The following FBXO42 variants were observed in gnomAD, a reference collection of about 807,000 sequenced individuals.
FBXO42 encodes the protein F-box only protein 42.
FBXO42 carries 12 observed loss-of-function variants against 71.7 expected under a neutral mutation model. The observed-to-expected ratio is 0.17, with a 90% CI of 0.11 to 0.27. The LOEUF (loss-of-function observed/expected upper bound fraction) is 0.27. Among genes scored for constraint, FBXO42 ranks in the 10% least tolerant of loss-of-function variants. The probability of loss-of-function intolerance (pLI) is 1.00; values close to 1 mark genes in which losing one functional copy is unlikely to be tolerated. For synonymous variants in FBXO42, 325 were observed against 327.5 expected, an observed-to-expected ratio of 0.99 and a Z score of 0.08; for missense variants, 707 against 911.9, an observed-to-expected ratio of 0.78 and a Z score of 2.89.
chr1:16,313,328 G>GAGA (rs2082333539), intron 2 of FBXO42, among the ~76,000 whole-genome samples: 772 of 17,248 alleles, frequency 0.045, 9 homozygotes, highest in African/African-American at 0.062. Flanking sequence ...AGAAAACAAA[G>GAGA]AAAGAAAGAA....
chr1:16,291,912 T>G (rs150050442), intron 4 of FBXO42, among the ~76,000 whole-genome samples: 1 of 152,282 alleles, frequency 6.6e-6, no homozygotes, highest in Non-Finnish European at 1.5e-5. Context: ...CCTCAAGAGA[T>G]CCTCCTGTCT....
At chr1:16,340,057 G>C (rs1011313555) in intron 1 of FBXO42, among the ~76,000 whole-genome samples, 3 of 152,006 alleles carry the variant, frequency 2.0e-5, no homozygotes, top group Non-Finnish European at 4.4e-5. Context: ...GGCGCCTATA[G>C]TCCCAGCTCT....
chr1:16,282,976 G>A (rs1292332491), intron 4 of FBXO42, among the ~76,000 whole-genome samples: 2 of 142,682 alleles, frequency 1.4e-5, no homozygotes, highest in South Asian at 4.3e-4. Flanking sequence ...GTGAGACTCC[G>A]TCTCAAAAAA....
chr1:16,292,484 T>TG (rs2082089331), intron 4 of FBXO42: 1 of 152,074 alleles, frequency 6.6e-6, no homozygotes, highest in African/African-American at 2.4e-5. Context: ...TTTGTAGAGA[T>TG]GGGGGTCTCA....
intron 3 of FBXO42, among the ~76,000 whole-genome samples, chr1:16,299,246 C>T (rs996450103): frequency 3.5e-4 from 52 of 150,548 alleles, no homozygotes; most frequent in Admixed American, 1.4e-3. Flanking sequence ...CTCCTGACCT[C>T]GTGATCCGCC....
At chr1:16,330,610 C>T (rs1480953524) in intron 1 of FBXO42, among the ~76,000 whole-genome samples, 1 of 152,042 alleles carries the variant, frequency 6.6e-6, no homozygotes, top group Non-Finnish European at 1.5e-5. Flanking sequence ...AGATTGAGAC[C>T]ATCCTGGCCA....
At position 16,248,468 on chromosome 1, in the gene FBXO42, C is replaced by T. The variant is rs190288455; in HGVS notation, c.*2202G>A. ...TTGGGGGAAGTGGAAGGAATCAACA[C>T]GTTAACAGCTGGCTTAGGAAGGCCA... On this transcript the variant is annotated 3_prime_UTR_variant, in exon 10 of 10. Coordinates refer to ENST00000375592, the MANE Select transcript of FBXO42 (RefSeq NM_018994.3). The T allele has an allele frequency of 2.0e-4, 31 of 152,258 alleles. No individual in the cohort carries two copies. The highest frequency in any genetic ancestry group is 7.2e-4 in the African/African-American group (30 of 41,544). The allele number at this position is 152,258 out of a possible 1,614,324, so 9.4% of individuals were successfully genotyped here.
chr1:16,252,504 A>G lies in FBXO42; in HGVS notation c.922-100T>C. On this transcript the variant is annotated intron_variant, in intron 8 of 9. Coordinates refer to ENST00000375592, the MANE Select transcript of FBXO42 (RefSeq NM_018994.3). This position sits in a 1 kb window ranked among gnomAD's most constrained non-coding sequence, Gnocchi z 4.4. ...CTCAAAGCTCTCCTGTCTGGTCTTG[A>G]AAGGATGTGGACTCTTCAGAAGGAT... 1.1e-6 allele frequency: 1 copy of G among 942,542 alleles called. No individual in the cohort carries two copies. The highest frequency in any genetic ancestry group is 2.4e-5 in the East Asian group (1 of 41,264). The allele number at this position is 942,542 out of a possible 1,614,324, so 58.4% of individuals were successfully genotyped here.
chr1:16,305,209 AC>A (rs1308458676), intron 3 of FBXO42, among the ~76,000 whole-genome samples: 4 of 151,166 alleles, frequency 2.6e-5, no homozygotes, highest in Non-Finnish European at 5.9e-5. Context: ...ATACAGTGAG[AC>A]CCCATCTCTA....
intron 1 of FBXO42, among the ~76,000 whole-genome samples, chr1:16,339,152 C>T (rs1308133431): frequency 6.6e-6 from 1 of 151,720 alleles, no homozygotes; most frequent in Non-Finnish European, 1.5e-5. Flanking sequence ...CAAAGGAATG[C>T]CTTCCTGCTT....
At chr1:16,287,622 T>C (rs2082035637) in intron 4 of FBXO42, among the ~76,000 whole-genome samples, 3 of 152,196 alleles carry the variant, frequency 2.0e-5, no homozygotes, top group Admixed American at 2.0e-4. Context: ...AGATGGGCTC[T>C]TGCTATGTTG....
At chr1:16,268,197 T>C (rs2081799471) in intron 4 of FBXO42, among the ~76,000 whole-genome samples, 1 of 152,140 alleles carries the variant, frequency 6.6e-6, no homozygotes, top group Admixed American at 6.6e-5. Flanking sequence ...GTCATAAAGT[T>C]TCTAGCCTGG....
Position 16,250,967 on chromosome 1 carries a change from G to A in FBXO42, c.1857C>T (p.Arg619=), listed in dbSNP as rs200714545. 3 of 1,614,200 alleles carry A rather than the reference G, an allele frequency of 1.9e-6. No homozygotes were observed. Among genetic ancestry groups the A allele is most frequent in the Non-Finnish European group, 2.5e-6 (3 of 1,180,032 alleles). The change falls in exon 10 of 10, where the codon CGC becomes CGT. Residue 619 remains arginine (R), a synonymous_variant. Coordinates refer to ENST00000375592, the MANE Select transcript of FBXO42 (RefSeq NM_018994.3). The surrounding 1 kb of genome is among the most constrained non-coding windows in gnomAD (Gnocchi z 4.7). ...ACTGTGGAGGGTGGTGGCCCAGGCG[G>A]CGAGCAATGGGAGGTAAGGAATGTC... The part of the protein sequence containing the change: ...GDGHSLPPIA[R]RLGHHPPQSL...
intron 1 of FBXO42, among the ~76,000 whole-genome samples, chr1:16,332,341 G>A (rs548906133): frequency 2.6e-5 from 4 of 152,064 alleles, no homozygotes; most frequent in East Asian, 3.9e-4. Context: ...TATTACCATT[G>A]CTATAGTTGA....
At chr1:16,294,984 CAT>C (rs1159029437) in intron 3 of FBXO42, 67 bp from the exon 4 acceptor site, 17 of 1,487,704 alleles carry the variant, frequency 1.1e-5, no homozygotes, top group South Asian at 2.7e-5. Flanking sequence ...TTAACCATAA[CAT>C]ATATTTTTCA....
At chr1:16,327,544 T>C (rs1032706714) in intron 1 of FBXO42, among the ~76,000 whole-genome samples, 2 of 152,102 alleles carry the variant, frequency 1.3e-5, no homozygotes, top group African/African-American at 2.4e-5. Context: ...GATAAATAGA[T>C]TCAGAGTTAA....
chr1:16,288,801 T>C (rs1044338771), intron 4 of FBXO42, among the ~76,000 whole-genome samples: 1 of 151,342 alleles, frequency 6.6e-6, no homozygotes, highest in African/African-American at 2.4e-5. Context: ...CTACTAAATA[T>C]ACAAAAATTA....
chr1:16,348,465 A>C (rs1191242364), intron 1 of FBXO42, among the ~76,000 whole-genome samples: 1 of 152,000 alleles, frequency 6.6e-6, no homozygotes, highest in African/African-American at 2.4e-5. Context: ...TTGGGAGGCA[A>C]AGGTGGGCGG....
intron 1 of FBXO42, among the ~76,000 whole-genome samples, chr1:16,326,683 CAAAAAA>C (rs397860543): frequency 9.7e-6 from 1 of 103,116 alleles, no homozygotes; most frequent in Non-Finnish European, 2.0e-5. Flanking sequence ...AACCCTGTCT[CAAAAAA>C]AAAAAAAAAA....
Sources: allele counts gnomAD v4.1 joint callset (sites outside exome capture counted in the v4.1 genomes callset), GRCh38; gene constraint gnomAD v4.1.1; non-coding constraint Gnocchi (gnomAD v3.1); transcripts MANE v1.5; gene names NCBI Gene and HGNC (gene_info 2026-07-23, HGNC 2026-07-21).